IFRD1: variants seen among roughly 807,000 people sequenced by gnomAD.
IFRD1 encodes the protein interferon-related developmental regulator 1.
A neutral mutation model predicts 52.9 loss-of-function variants in IFRD1; 35 were observed. The observed-to-expected ratio is 0.66, with a 90% CI of 0.51 to 0.88. The LOEUF (loss-of-function observed/expected upper bound fraction) is 0.88. Ranked by LOEUF, IFRD1 falls within the 40% of genes least tolerant of loss-of-function variation. The probability of loss-of-function intolerance (pLI) is 0.00; values close to 1 mark genes in which losing one functional copy is unlikely to be tolerated. For synonymous variants in IFRD1, 184 were observed against 188.4 expected, an observed-to-expected ratio of 0.98 and a Z score of 0.19; for missense variants, 517 against 550.8, an observed-to-expected ratio of 0.94 and a Z score of 0.61.
intron 8 of IFRD1, among the ~76,000 whole-genome samples, chr7:112,465,361 C>T (rs1386844369): frequency 6.6e-6 from 1 of 152,214 alleles, no homozygotes; most frequent in Admixed American, 6.5e-5. Context: ...GCATCTCACC[C>T]TGTCTGCCTA....
intron 8 of IFRD1, among the ~76,000 whole-genome samples, chr7:112,465,867 A>G (rs754183864): frequency 1.9e-4 from 29 of 152,330 alleles, no homozygotes; most frequent in Admixed American, 3.3e-4. Flanking sequence ...CAAGTCTAGA[A>G]TATTGATAAA....
Position 112,475,921 on chromosome 7 carries a change from T to C in IFRD1, c.*402T>C, listed in dbSNP as rs1327525049. 2 of 167,014 alleles carry C rather than the reference T, an allele frequency of 1.2e-5. No individual in the cohort carries two copies. Among genetic ancestry groups the C allele is most frequent in the African/African-American group, 4.8e-5 (2 of 41,540 alleles). 10.3% of individuals were successfully genotyped at this position (167,014 alleles called of 1,614,324 possible). ...GAGTTCTGGGTACAATTTTGGGATCTAGTTCCCCTGGAAAAGCTGCTGTAT... is the reference window on the plus strand; with the variant it reads ...GAGTTCTGGGTACAATTTTGGGATCCAGTTCCCCTGGAAAAGCTGCTGTAT... On this transcript the variant is annotated 3_prime_UTR_variant, in exon 12 of 12. Transcript: ENST00000403825.
upstream of IFRD1, chr7:112,446,454 G>C (rs138437390): frequency 6.6e-6 from 1 of 152,666 alleles, no homozygotes; most frequent in Admixed American, 6.5e-5. Context: ...GAATAAAACA[G>C]ACAGGATCTC....
chr7:112,442,072 C>G (rs752245676), intron 1 of IFRD1, among the ~76,000 whole-genome samples: 9 of 152,208 alleles, frequency 5.9e-5, no homozygotes, highest in Non-Finnish European at 1.2e-4. Context: ...CACACAGTCA[C>G]CAAACTAGTA....
At chr7:112,462,233 G>A (rs1795457734) in intron 7 of IFRD1, 37 bp from the exon 8 acceptor site, 1 of 1,607,620 alleles carries the variant, frequency 6.2e-7, no homozygotes, top group Non-Finnish European at 8.5e-7. Context: ...GGACATAATT[G>A]GTTGTATTCA....
At position 112,457,032 on chromosome 7, in the gene IFRD1, A is replaced by G. The variant is rs1450635076; in HGVS notation, c.403A>G (p.Lys135Glu). The G allele has an allele frequency of 6.2e-7, 1 of 1,613,150 alleles. No individual in the cohort carries two copies. The highest frequency in any genetic ancestry group is 8.5e-7 in the Non-Finnish European group (1 of 1,179,420). The change falls in exon 4 of 12, where the codon AAA (lysine) becomes GAA (glutamate). Residue 135 changes from lysine to glutamate, a missense_variant. By Grantham distance (56) the Lys-to-Glu change is moderately conservative. Transcript: ENST00000403825. Reference protein sequence around the residue: ...TLTDSIERCLKKGKSDEQRAA... With the variant: ...TLTDSIERCLEKGKSDEQRAA... ...AACTGATAGCATTGAACGCTGCCTG[A>G]AAAAAGGTAATGCCCTTATTTTTGA...
intron 1 of IFRD1, among the ~76,000 whole-genome samples, chr7:112,426,786 C>T (rs1233618200): frequency 2.0e-5 from 3 of 152,162 alleles, no homozygotes; most frequent in African/African-American, 7.2e-5. Flanking sequence ...GCATCATCTG[C>T]ATGATAAAAC....
chr7:112,467,743 T>C (rs1215849898), intron 8 of IFRD1: 1 of 482,866 alleles, frequency 2.1e-6, no homozygotes, highest in Non-Finnish European at 3.8e-6. Flanking sequence ...ATGCATTTAC[T>C]TGGAAGGGAA....
chr7:112,450,600 C>T lies in IFRD1; in HGVS notation c.-89C>T, dbSNP rs868580551. The stretch of plus-strand genomic sequence containing the variant: ...TAGCCGAAGACTCGCCTCTCAGCCG[C>T]CCGCCGCACAGACGCACGAGTAAAA... On this transcript the variant is annotated 5_prime_UTR_variant, in exon 1 of 12. Transcript: ENST00000403825. 8 of 1,063,492 alleles carry T rather than the reference C, an allele frequency of 7.5e-6. No homozygotes were observed. Among genetic ancestry groups the T allele is most frequent in the Middle Eastern group, 2.3e-4 (1 of 4,414 alleles). 65.9% of individuals were successfully genotyped at this position (1,063,492 alleles called of 1,614,324 possible).
At chr7:112,450,032 G>A (rs1375281000), upstream of IFRD1, 2 of 153,230 alleles carry the variant, frequency 1.3e-5, no homozygotes, top group African/African-American at 4.8e-5. Context: ...CGGAGAAAGA[G>A]AAGCAAAGGT....
chr7:112,440,552 A>G (rs1794855918), intron 1 of IFRD1, among the ~76,000 whole-genome samples: 1 of 152,242 alleles, frequency 6.6e-6, no homozygotes, highest in South Asian at 2.1e-4. Context: ...CACAATAAAT[A>G]TCAGTAATGA....
At chr7:112,473,363 T>A (rs971366916) in intron 11 of IFRD1, among the ~76,000 whole-genome samples, 3 of 152,142 alleles carry the variant, frequency 2.0e-5, no homozygotes, top group African/African-American at 7.2e-5. Flanking sequence ...AGTACCAGAC[T>A]CGTTTTACAA....
At chr7:112,470,234 G>A (rs1322848375) in intron 9 of IFRD1, among the ~76,000 whole-genome samples, 10 of 152,162 alleles carry the variant, frequency 6.6e-5, no homozygotes, top group Admixed American at 3.3e-4. Flanking sequence ...GGGACCAAAG[G>A]AATACAGAAT....
intron 4 of IFRD1, chr7:112,457,363 T>G: frequency 2.2e-6 from 1 of 452,776 alleles, no homozygotes; most frequent in Non-Finnish European, 3.9e-6. Context: ...TAGCTCATTT[T>G]CCCTTGCACT....
Position 112,453,931 on chromosome 7 carries a change from A to G in IFRD1, c.95-1832A>G, listed in dbSNP as rs577435592. On this transcript the variant is annotated intron_variant, in intron 1 of 11. Coordinates refer to ENST00000403825, the MANE Select transcript of IFRD1 (RefSeq NM_001550.4). ...TTTGGAGCATTAAAAAAAAACCGTT[A>G]AGGTGGTGACGTTTGAACATACGAA... Among the ~76,000 whole-genome samples the G allele has an allele frequency of 2.6e-5, 4 of 152,290 alleles. 1 individual carries two copies. In the South Asian group the frequency reaches 6.2e-4, roughly 24 times the overall value.
chr7:112,460,132 T>G (rs1007617736), intron 5 of IFRD1, among the ~76,000 whole-genome samples: 1 of 151,370 alleles, frequency 6.6e-6, no homozygotes, highest in East Asian at 1.9e-4. Context: ...AGTTTTTTTG[T>G]CATTTAAAGA....
In IFRD1 at chr7:112,450,709, G is replaced by T; in HGVS notation, c.21G>T (p.Arg7=). 1.9e-6 allele frequency: 3 copies of T among 1,612,934 alleles called. No homozygotes were observed. Among genetic ancestry groups the T allele is most frequent in the South Asian group, 2.2e-5 (2 of 91,064 alleles). ...CCACGATGCCGAAGAACAAGAAGCGGAACACTCCCCACCGCGGTAGCAGTG... is the reference window on the plus strand; with the variant it reads ...CCACGATGCCGAAGAACAAGAAGCGTAACACTCCCCACCGCGGTAGCAGTG... MPKNKK[R]NTPHRGSSAG... is the part of the protein sequence containing the mutation. The change falls in exon 1 of 12, where the codon CGG becomes CGT. Residue 7 remains arginine (R), a synonymous_variant. Transcript: ENST00000403825.
chr7:112,431,156 A>G (rs756642181), intron 1 of IFRD1, among the ~76,000 whole-genome samples: 2 of 152,222 alleles, frequency 1.3e-5, no homozygotes, highest in Non-Finnish European at 2.9e-5. Flanking sequence ...TTTACAGGGC[A>G]CAAAGGGAGC....
intron 5 of IFRD1, among the ~76,000 whole-genome samples, chr7:112,459,981 A>G (rs951199705): frequency 2.0e-5 from 3 of 152,290 alleles, no homozygotes; most frequent in Middle Eastern, 3.4e-3. Context: ...TTGCTACTTA[A>G]CTTTTTCTTT....
Sources: allele counts gnomAD v4.1 joint callset (sites outside exome capture counted in the v4.1 genomes callset), GRCh38; gene constraint gnomAD v4.1.1; transcripts MANE v1.5; gene names NCBI Gene and HGNC (gene_info 2026-07-23, HGNC 2026-07-21).